CSNK2A2IP: variants seen among roughly 807,000 people sequenced by gnomAD.
CSNK2A2IP encodes the protein casein kinase II subunit alpha'-interacting protein.
chr3:88,391,999 G>A, the CSNK2A2IP span, among the ~76,000 whole-genome samples: 10 of 152,238 alleles, frequency 6.6e-5, no homozygotes, highest in Middle Eastern at 3.4e-3. Context: ...ATTGATGAGC[G>A]CTTTAATGGA....
At chr3:88,447,928 G>A in the CSNK2A2IP span, among the ~76,000 whole-genome samples, 3 of 152,126 alleles carry the variant, frequency 2.0e-5, no homozygotes, top group Non-Finnish European at 4.4e-5. Context: ...TCTTAATTAA[G>A]TAGATAGGCT....
the CSNK2A2IP span, among the ~76,000 whole-genome samples, chr3:88,407,786 C>T: frequency 5.9e-5 from 9 of 152,068 alleles, no homozygotes; most frequent in African/African-American, 1.9e-4. Flanking sequence ...TGCAGTGGCG[C>T]GATCTCGGCT....
the CSNK2A2IP span, among the ~76,000 whole-genome samples, chr3:88,380,273 A>G: frequency 6.6e-6 from 1 of 152,070 alleles, no homozygotes; most frequent in East Asian, 1.9e-4. Flanking sequence ...AAATACAGAT[A>G]ATAGGCCAGG....
At chr3:88,375,579 T>C in the CSNK2A2IP span, among the ~76,000 whole-genome samples, 1 of 151,646 alleles carries the variant, frequency 6.6e-6, no homozygotes, top group Non-Finnish European at 1.5e-5. Context: ...AAAGTGTTGA[T>C]ACCCCTTCAA....
At chr3:88,348,411 C>G in the CSNK2A2IP span, among the ~76,000 whole-genome samples, 92 of 152,008 alleles carry the variant, frequency 6.1e-4, 1 homozygote, top group African/African-American at 2.2e-3. Context: ...CAGTGTATTG[C>G]CTATTCTACT....
the CSNK2A2IP span, chr3:88,465,449 C>A: frequency 8.1e-7 from 1 of 1,231,670 alleles, no homozygotes; most frequent in Non-Finnish European, 1.0e-6. Context: ...CATCAACATA[C>A]AGGTGAAAAA....
At chr3:88,414,270 G>GTTTTTTTTTT in the CSNK2A2IP span, among the ~76,000 whole-genome samples, 7 of 64,100 alleles carry the variant, frequency 1.1e-4, no homozygotes, top group African/African-American at 2.9e-4. Context: ...TACCAACAAA[G>GTTTTTTTTTT]TTTTTTTTTT....
chr3:88,384,968 A>G, the CSNK2A2IP span, among the ~76,000 whole-genome samples: 2 of 152,212 alleles, frequency 1.3e-5, no homozygotes, highest in Admixed American at 1.3e-4. Flanking sequence ...TTGAGATGAC[A>G]TATGTTGGAG....
chr3:88,423,250 G>A, the CSNK2A2IP span, among the ~76,000 whole-genome samples: 2 of 152,152 alleles, frequency 1.3e-5, no homozygotes, highest in Admixed American at 1.3e-4. Context: ...AGCAGATAAT[G>A]TAATATTCAC....
chr3:88,461,446 G>A, the CSNK2A2IP span, among the ~76,000 whole-genome samples: 3 of 152,082 alleles, frequency 2.0e-5, no homozygotes, highest in Non-Finnish European at 4.4e-5. Context: ...CCAGCTACTC[G>A]TGAGGCTGAA....
chr3:88,446,293 T>C, the CSNK2A2IP span, among the ~76,000 whole-genome samples: 58 of 152,044 alleles, frequency 3.8e-4, no homozygotes, highest in East Asian at 0.011. Context: ...TTTCACCATG[T>C]TGGCCAGGCT....
the CSNK2A2IP span, among the ~76,000 whole-genome samples, chr3:88,347,028 T>C: frequency 6.6e-6 from 1 of 151,920 alleles, no homozygotes; most frequent in African/African-American, 2.4e-5. Context: ...CAACCCGCAT[T>C]GAGAAATTCA....
the CSNK2A2IP span, among the ~76,000 whole-genome samples, chr3:88,366,825 G>A: frequency 5.4e-3 from 821 of 152,222 alleles, 10 homozygotes; most frequent in African/African-American, 0.018. Context: ...AAGAAAAAGA[G>A]GTTTAATGAA....
chr3:88,432,926 T>A, the CSNK2A2IP span, among the ~76,000 whole-genome samples: 73 of 151,976 alleles, frequency 4.8e-4, no homozygotes, highest in Middle Eastern at 3.4e-3. Flanking sequence ...TCACAGCTCA[T>A]ATATCTTTCT....
At chr3:88,416,126 C>T in the CSNK2A2IP span, among the ~76,000 whole-genome samples, 2 of 151,630 alleles carry the variant, frequency 1.3e-5, no homozygotes, top group South Asian at 2.1e-4. Context: ...GAAAAATTAG[C>T]CTGGTGTGGT....
chr3:88,445,275 C>A, the CSNK2A2IP span, among the ~76,000 whole-genome samples: 22 of 47,776 alleles, frequency 4.6e-4, no homozygotes, highest in East Asian at 7.8e-4. Context: ...GTAAAAATAC[C>A]AAAAAAAAAA....
the CSNK2A2IP span, among the ~76,000 whole-genome samples, chr3:88,418,478 G>A: frequency 1.3e-5 from 2 of 152,006 alleles, no homozygotes; most frequent in African/African-American, 2.4e-5. Context: ...GCGGGCGTGT[G>A]TTCTCTCTTG....
the CSNK2A2IP span, among the ~76,000 whole-genome samples, chr3:88,340,585 C>A: frequency 1.3e-5 from 2 of 151,976 alleles, no homozygotes. Context: ...TTTGTTCAAT[C>A]ATGACCTGTG....
chr3:88,439,021 T>A, the CSNK2A2IP span, among the ~76,000 whole-genome samples: 1 of 152,308 alleles, frequency 6.6e-6, no homozygotes, highest in Non-Finnish European at 1.5e-5. Context: ...CTAGCCTGAT[T>A]GCGTCTCTAG....
Sources: gnomAD v4.1 joint callset for allele counts (sites outside exome capture counted in the v4.1 genomes callset) on GRCh38, gnomAD v4.1.1 for gene constraint, MANE v1.5 for transcripts, NCBI Gene and HGNC (gene_info 2026-07-23, HGNC 2026-07-21) for gene names.